LAMA2: variants seen among roughly 807,000 people sequenced by gnomAD.
The protein encoded by LAMA2 is laminin subunit alpha 2, also known as laminin subunit alpha-2.
LAMA2 carries 269 observed loss-of-function variants against 364.8 expected under a neutral mutation model. The ratio of observed to expected loss-of-function variants is 0.74; its 90% CI spans 0.67 to 0.82. The LOEUF (loss-of-function observed/expected upper bound fraction) is 0.82, where lower values mean the gene tolerates loss of function less well. Ranked by LOEUF, LAMA2 falls within the 40% of genes least tolerant of loss-of-function variation. LAMA2 has a pLI of 0.00. For synonymous variants in LAMA2, 1,379 were observed against 1,370.6 expected, an observed-to-expected ratio of 1.01 and a Z score of -0.14; for missense variants, 3,807 against 3,873.2, an observed-to-expected ratio of 0.98 and a Z score of 0.45.
At chr6:129,218,666 G>A (rs1271495448) in intron 12 of LAMA2, among the ~76,000 whole-genome samples, 3 of 152,024 alleles carry the variant, frequency 2.0e-5, no homozygotes, top group South Asian at 4.2e-4. Context: ...CCACTCATAG[G>A]TAGAATAAAT....
chr6:129,340,549 G>A (rs1002527427), intron 29 of LAMA2, among the ~76,000 whole-genome samples: 1 of 152,094 alleles, frequency 6.6e-6, no homozygotes, highest in Non-Finnish European at 1.5e-5. Context: ...TCTTAAAGTA[G>A]GGTAAGGTGT....
At chr6:129,427,721 A>C in intron 40 of LAMA2, 31 bp from the exon 41 acceptor site, 3 of 1,484,222 alleles carry the variant, frequency 2.0e-6, no homozygotes, top group Non-Finnish European at 1.9e-6. Context: ...CTATGGTTTT[A>C]GATGTATGAC....
intron 1 of LAMA2, among the ~76,000 whole-genome samples, chr6:128,949,466 AAAAG>A (rs918106361): frequency 6.6e-6 from 1 of 152,180 alleles, no homozygotes; most frequent in African/African-American, 2.4e-5. Flanking sequence ...AAGGGGGAAA[AAAAG>A]AAAATAAATA....
intron 4 of LAMA2, among the ~76,000 whole-genome samples, chr6:129,106,875 A>ATAT (rs59504944): frequency 0.029 from 4,149 of 142,478 alleles, 124 homozygotes; most frequent in African/African-American, 0.083. Context: ...AAAAAAAAAA[A>ATAT]ATATATATAT....
chr6:129,088,594 G>A (rs538085184), intron 3 of LAMA2, among the ~76,000 whole-genome samples: 3 of 151,990 alleles, frequency 2.0e-5, no homozygotes, highest in Middle Eastern at 3.4e-3. Context: ...CCTCCCGGAC[G>A]GGGTGGCTGC....
intron 9 of LAMA2, among the ~76,000 whole-genome samples, chr6:129,175,649 C>T (rs1324054920): frequency 6.6e-6 from 1 of 152,124 alleles, no homozygotes; most frequent in Non-Finnish European, 1.5e-5. Flanking sequence ...AATGAGAACA[C>T]ATGAACACAG....
chr6:129,253,731 G>T (rs10499153), intron 14 of LAMA2, among the ~76,000 whole-genome samples: 12,157 of 152,186 alleles, frequency 0.08, 1,585 homozygotes, highest in African/African-American at 0.28. Context: ...TGCTTTTCAG[G>T]CTAGTTAATA....
At chr6:129,477,115 T>TAAAG (rs1345855790) in intron 53 of LAMA2, among the ~76,000 whole-genome samples, 2 of 152,332 alleles carry the variant, frequency 1.3e-5, no homozygotes, top group Middle Eastern at 3.4e-3. Context: ...TACCACCACA[T>TAAAG]AAAGAATTAT....
chr6:129,440,130 G>T (rs1782032658), intron 42 of LAMA2, among the ~76,000 whole-genome samples: 1 of 152,020 alleles, frequency 6.6e-6, no homozygotes, highest in African/African-American at 2.4e-5. Flanking sequence ...CCCACAGTTT[G>T]ATTTCAGAGC....
chr6:128,910,328 G>A (rs1777820938), intron 1 of LAMA2, among the ~76,000 whole-genome samples: 1 of 152,176 alleles, frequency 6.6e-6, no homozygotes, highest in South Asian at 2.1e-4. Flanking sequence ...TGGAGGCTTT[G>A]CTCATTTCTT....
chr6:129,013,958 T>C (rs1382347585), intron 1 of LAMA2, among the ~76,000 whole-genome samples: 3 of 152,118 alleles, frequency 2.0e-5, no homozygotes, highest in Non-Finnish European at 4.4e-5. Flanking sequence ...GAATCAATAG[T>C]ACTTATTAAT....
intron 34 of LAMA2, among the ~76,000 whole-genome samples, chr6:129,370,413 A>G (rs539143365): frequency 6.6e-6 from 1 of 152,354 alleles, no homozygotes; most frequent in South Asian, 2.1e-4. Context: ...TTTCCACACA[A>G]AAGAGGAAAT....
chr6:129,030,754 C>T (rs1201626030), intron 1 of LAMA2, among the ~76,000 whole-genome samples: 2 of 151,674 alleles, frequency 1.3e-5, no homozygotes, highest in East Asian at 1.9e-4. Flanking sequence ...AGTTTTTTTT[C>T]GTGTTAGAAC....
At chr6:128,918,200 AATG>A (rs1226210928) in intron 1 of LAMA2, among the ~76,000 whole-genome samples, 1 of 152,208 alleles carries the variant, frequency 6.6e-6, no homozygotes, top group Non-Finnish European at 1.5e-5. Context: ...TTCCCAAAGT[AATG>A]ATGTTTACCA....
chr6:129,479,091 A>G (rs1784228155), intron 54 of LAMA2, among the ~76,000 whole-genome samples: 1 of 152,148 alleles, frequency 6.6e-6, no homozygotes, highest in Non-Finnish European at 1.5e-5. Context: ...CTTTTTTTCC[A>G]ACACTACTTT....
At chr6:129,090,065 T>C (rs1774722287) in intron 3 of LAMA2, among the ~76,000 whole-genome samples, 1 of 152,222 alleles carries the variant, frequency 6.6e-6, no homozygotes, top group Non-Finnish European at 1.5e-5. Context: ...TTACCAGTAG[T>C]AGTAATATTA....
chr6:129,241,005 A>G (rs993313357), intron 12 of LAMA2, among the ~76,000 whole-genome samples: 2 of 152,228 alleles, frequency 1.3e-5, no homozygotes, highest in African/African-American at 4.8e-5. Flanking sequence ...TTTTATAGGT[A>G]AGCTCAAATC....
intron 3 of LAMA2, among the ~76,000 whole-genome samples, chr6:129,065,237 G>T (rs1789215548): frequency 6.6e-6 from 1 of 152,106 alleles, no homozygotes; most frequent in Non-Finnish European, 1.5e-5. Flanking sequence ...CAACAAATTA[G>T]CTATAGAAGG....
At chr6:129,257,881 C>T (rs568580426) in intron 14 of LAMA2, among the ~76,000 whole-genome samples, 51 of 152,100 alleles carry the variant, frequency 3.4e-4, no homozygotes, top group African/African-American at 1.2e-3. Flanking sequence ...TGAAATGTGG[C>T]TAGTAGTCTT....
Sources: gnomAD v4.1 joint callset for allele counts (sites outside exome capture counted in the v4.1 genomes callset) on GRCh38, gnomAD v4.1.1 for gene constraint, MANE v1.5 for transcripts, NCBI Gene and HGNC (gene_info 2026-07-23, HGNC 2026-07-21) for gene names.